Variants in PRKCZ observed in about 807,000 individuals in gnomAD.
The protein encoded by PRKCZ is protein kinase C zeta type.
Under a neutral mutation model 79.5 loss-of-function variants are expected in PRKCZ, and 33 were observed. The ratio of observed to expected loss-of-function variants is 0.41; its 90% CI spans 0.31 to 0.55. The LOEUF is 0.55. Among genes scored for constraint, PRKCZ ranks in the 20% least tolerant of loss-of-function variants. PRKCZ has a pLI of 0.19. For missense variants in PRKCZ, 578 were observed against 813.5 expected (o/e 0.71, Z 3.52); for synonymous variants, 342 against 320.9 (o/e 1.07, Z -0.70).
Position 2,074,142 on chromosome 1 carries a change from A to G in PRKCZ, c.334+14551A>G, listed in dbSNP as rs542306469. 100 of 1,541,778 alleles carry G rather than the reference A, an allele frequency of 6.5e-5. No homozygotes were observed. The African/African-American group carries it at 1.2e-3, about 19-fold the overall frequency. ...AAGGCGTGCGGCTGCAGCAGCTCCC[A>G]GCAATGTCAGGGGAAACGCAGTGAG... On this transcript the variant is annotated intron_variant, in intron 4 of 17. Transcript: ENST00000378567.
intron 4 of PRKCZ, among the ~76,000 whole-genome samples, chr1:2,096,828 G>A (rs1452621786): frequency 1.3e-5 from 2 of 152,214 alleles, no homozygotes; most frequent in Admixed American, 1.3e-4. Context: ...ACCTCGCTCT[G>A]CAACAAATCT....
intron 4 of PRKCZ, among the ~76,000 whole-genome samples, chr1:2,088,106 G>T (rs1321225592): frequency 6.6e-6 from 1 of 152,196 alleles, no homozygotes; most frequent in Non-Finnish European, 1.5e-5. Context: ...CCTGAGTTGG[G>T]GTTTTGGTTT....
intron 4 of PRKCZ, among the ~76,000 whole-genome samples, chr1:2,119,940 C>T (rs2102818347): frequency 6.6e-6 from 1 of 152,170 alleles, no homozygotes; most frequent in African/African-American, 2.4e-5. Flanking sequence ...GTGTGCGCCA[C>T]CACGCCCAGT....
At chr1:2,095,958 T>C in intron 4 of PRKCZ, among the ~76,000 whole-genome samples, 1 of 139,282 alleles carries the variant, frequency 7.2e-6, no homozygotes, top group Non-Finnish European at 1.6e-5. Flanking sequence ...CCCTCACCTG[T>C]TTGACTCTGC....
intron 4 of PRKCZ, among the ~76,000 whole-genome samples, chr1:2,101,664 G>A (rs963351099): frequency 2.6e-5 from 4 of 152,138 alleles, no homozygotes; most frequent in African/African-American, 9.7e-5. Context: ...AATGAGGGTG[G>A]GAGAGCACCT....
rs533019292 is a variant in PRKCZ at position 2,070,890 on chromosome 1, C to T, written c.334+11299C>T. On this transcript the variant is annotated intron_variant, in intron 4 of 17. Coordinates refer to ENST00000378567, the MANE Select transcript of PRKCZ (RefSeq NM_002744.6). Reference sequence around the variant, plus strand: ...TGTAGTGTCTCACTTGGAGCAATGGCGGGATCCCCAGATCCATCCCCTGGC... The same window carrying T: ...TGTAGTGTCTCACTTGGAGCAATGGTGGGATCCCCAGATCCATCCCCTGGC... Among the ~76,000 whole-genome samples, 37 of 152,158 alleles carry T rather than the reference C, an allele frequency of 2.4e-4. No individual in the cohort carries two copies. The East Asian group carries it at 3.9e-3, about 16-fold the overall frequency.
chr1:2,176,371 C>T (rs562463824), intron 16 of PRKCZ, among the ~76,000 whole-genome samples: 1 of 152,042 alleles, frequency 6.6e-6, no homozygotes, highest in South Asian at 2.1e-4. Flanking sequence ...AGTGCAGTCT[C>T]CACCCAGGAT....
At chr1:2,092,364 C>T (rs1026936704) in intron 4 of PRKCZ, among the ~76,000 whole-genome samples, 3 of 152,160 alleles carry the variant, frequency 2.0e-5, no homozygotes, top group African/African-American at 7.2e-5. Context: ...CCGACGTTCC[C>T]GCCTCAGGGT....
chr1:2,155,798 A>ATGG (rs1366300864), intron 9 of PRKCZ, among the ~76,000 whole-genome samples, 197 bp from the exon 10 acceptor site: 1 of 151,414 alleles, frequency 6.6e-6, no homozygotes, highest in East Asian at 1.9e-4. Flanking sequence ...AATGATGATG[A>ATGG]TGGTGGTGGT....
intron 4 of PRKCZ, among the ~76,000 whole-genome samples, chr1:2,081,056 C>G (rs1289079849): frequency 6.6e-6 from 1 of 152,226 alleles, no homozygotes; most frequent in Non-Finnish European, 1.5e-5. Context: ...CGGCTCACAC[C>G]TGCCCGTGCC....
Position 2,151,060 on chromosome 1 carries a change from C to T in PRKCZ, c.876+82C>T, listed in dbSNP as rs548609511. ...CCTCCGGGCTTTAGCGGAATTAATC[C>T]ATGCACGAGAGACCTAGCCTCACGT... On this transcript the variant is annotated intron_variant, in intron 9 of 17. Coordinates refer to ENST00000378567, the MANE Select transcript of PRKCZ (RefSeq NM_002744.6). 8.8e-6 allele frequency: 13 copies of T among 1,480,620 alleles called. No homozygotes were observed. The South Asian group carries it at 1.6e-4, about 18-fold the overall frequency. The allele number at this position is 1,480,620 out of a possible 1,614,324, so 91.7% of individuals were successfully genotyped here.
At position 2,056,455 on chromosome 1, in the gene PRKCZ, A is replaced by ACGTCAG. The variant is rs1275902551; in HGVS notation, c.194-27_194-22dup. On this transcript the variant is annotated intron_variant, in intron 2 of 17. Transcript: ENST00000378567. The stretch of plus-strand genomic sequence containing the variant: ...CCCCCTTTGCCTCGGGCCTTCGGCG[A>ACGTCAG]CGTCAGCACCGTCTCCTGCCCCACC... 3.1e-6 allele frequency: 5 copies of ACGTCAG among 1,600,752 alleles called. No homozygotes were observed. The African/African-American group carries it at 6.7e-5, about 21-fold the overall frequency.
At chr1:2,131,568 C>T (rs1419632473) in intron 4 of PRKCZ, among the ~76,000 whole-genome samples, 2 of 152,278 alleles carry the variant, frequency 1.3e-5, no homozygotes, top group South Asian at 2.1e-4. Flanking sequence ...TCATTTAGTT[C>T]CATTGTTATT....
rs370918071 is a variant in PRKCZ, at chr1:2,055,430, C to G, written c.72-11C>G. The G allele has an allele frequency of 6.1e-5, 98 of 1,603,154 alleles. No homozygotes were observed. Among genetic ancestry groups the G allele is most frequent in the Non-Finnish European group, 5.0e-5 (59 of 1,173,498 alleles). On this transcript the variant is annotated splice_polypyrimidine_tract_variant and intron_variant, in intron 1 of 17. Coordinates refer to ENST00000378567, the MANE Select transcript of PRKCZ (RefSeq NM_002744.6). ...CCACGGTAACAGATGCCCATGTCCC[C>G]TCTGCCCCAGGGACATCTTCATCAC...
At chr1:2,061,656 C>T (rs1252631831) in intron 4 of PRKCZ, among the ~76,000 whole-genome samples, 3 of 152,076 alleles carry the variant, frequency 2.0e-5, no homozygotes, top group East Asian at 1.9e-4. Flanking sequence ...AGGTCAGAGG[C>T]GGGTGCTGGG....
Position 2,082,100 on chromosome 1 carries a change from G to A in PRKCZ, c.334+22509G>A, listed in dbSNP as rs1224988346. The A allele has an allele frequency of 6.5e-6, 2 of 308,688 alleles. No individual in the cohort carries two copies. Among genetic ancestry groups the A allele is most frequent in the Admixed American group, 4.9e-5 (1 of 20,538 alleles). The allele number at this position is 308,688 out of a possible 1,614,324, so 19.1% of individuals were successfully genotyped here. A position where few individuals can be genotyped will look rare whatever the true frequency, so the allele number is the denominator to read the frequency against. On this transcript the variant is annotated intron_variant, in intron 4 of 17. Transcript: ENST00000378567. This position sits in a 1 kb window ranked among gnomAD's most constrained non-coding sequence, Gnocchi z 4.4. ...GACACCACACAGTCGTGCCAAGAAG[G>A]CGCCTAAGTGTCTTTCCACACGGCC...
rs570896635 is a variant in PRKCZ, at chr1:2,184,979, A to G, written c.1749A>G (p.Pro583=). Residue 583 remains proline, a synonymous_variant, in exon 18 of 18, where the codon CCA becomes CCG. Coordinates refer to ENST00000378567, the MANE Select transcript of PRKCZ (RefSeq NM_002744.6). ...SEFEGFEYIN[P]LLLSTEESV ...TCGAAGGCTTTGAGTATATCAACCCATTATTGCTGTCCACCGAGGAGTCGG... is the reference window on the plus strand; with the variant it reads ...TCGAAGGCTTTGAGTATATCAACCCGTTATTGCTGTCCACCGAGGAGTCGG... The G allele has an allele frequency of 5.6e-6, 9 of 1,613,720 alleles. No homozygotes were observed. The African/African-American group carries it at 1.1e-4, about 19-fold the overall frequency.
intron 4 of PRKCZ, among the ~76,000 whole-genome samples, chr1:2,102,323 TTTG>T (rs752988615): frequency 3.4e-5 from 4 of 117,814 alleles, no homozygotes; most frequent in South Asian, 2.8e-4. Context: ...CGTTTTTTTT[TTTG>T]TTTGTTTTGT....
Position 2,165,012 on chromosome 1 carries a change from G to T in PRKCZ, c.975-4506G>T, listed in dbSNP as rs973282486. Among the ~76,000 whole-genome samples the T allele has an allele frequency of 3.3e-5, 5 of 152,188 alleles. No individual in the cohort carries two copies. The highest frequency in any genetic ancestry group is 6.5e-5 in the Admixed American group (1 of 15,278). ...AGGACACCCGTGTTTGCCTTTGCAC[G>T]TGAGCCCCATTGTCGCTGGGACACA... is the stretch of plus-strand genomic sequence containing the variant. On this transcript the variant is annotated intron_variant, in intron 10 of 17. Coordinates refer to ENST00000378567, the MANE Select transcript of PRKCZ (RefSeq NM_002744.6). This position sits in a 1 kb window ranked among gnomAD's most constrained non-coding sequence, Gnocchi z 4.1.
Sources: allele counts gnomAD v4.1 joint callset (sites outside exome capture counted in the v4.1 genomes callset), GRCh38; gene constraint gnomAD v4.1.1; non-coding constraint Gnocchi (gnomAD v3.1); transcripts MANE v1.5; gene names NCBI Gene and HGNC (gene_info 2026-07-23, HGNC 2026-07-21).